Variants in ABCC4 observed in about 807,000 individuals in gnomAD.
ABCC4 encodes ATP binding cassette subfamily C member 4 (PEL blood group).
Under a neutral mutation model 168.5 loss-of-function variants are expected in ABCC4, and 102 were observed. That is an observed-to-expected ratio of 0.61 (90% CI 0.52 to 0.71). The LOEUF (loss-of-function observed/expected upper bound fraction) is 0.71. Ranked by LOEUF, ABCC4 falls within the 30% of genes least tolerant of loss-of-function variation. The pLI is 0.00. For synonymous variants in ABCC4, 617 were observed against 590.7 expected, an observed-to-expected ratio of 1.04 and a Z score of -0.65; for missense variants, 1,402 against 1,605.8, an observed-to-expected ratio of 0.87 and a Z score of 2.17.
intron 1 of ABCC4, among the ~76,000 whole-genome samples, chr13:95,256,453 T>G (rs1165795316): frequency 6.6e-6 from 1 of 152,216 alleles, no homozygotes; most frequent in African/African-American, 2.4e-5. Context: ...ATGTTGACTA[T>G]CCTCTGAAAA....
chr13:95,163,039 C>G, intron 18 of ABCC4, 83 bp downstream of exon 18: 1 of 889,370 alleles, frequency 1.1e-6, no homozygotes, highest in Non-Finnish European at 1.9e-6. Context: ...TACTGAATGA[C>G]TCCTGGAAGC....
intron 13 of ABCC4, among the ~76,000 whole-genome samples, chr13:95,172,785 A>G (rs1363189736): frequency 2.7e-5 from 3 of 110,958 alleles, no homozygotes; most frequent in African/African-American, 6.0e-5. Flanking sequence ...CACGAAACTT[A>G]GCCAGGAGTG....
chr13:95,116,202 C>T lies in ABCC4; in HGVS notation c.2456-201G>A, dbSNP rs944435728. Among the ~76,000 whole-genome samples, 11 of 151,946 alleles carry T rather than the reference C, an allele frequency of 7.2e-5. No individual in the cohort carries two copies. In the East Asian group the frequency reaches 1.3e-3, roughly 19 times the overall value. On this transcript the variant is annotated intron_variant, in intron 19 of 30. Coordinates refer to ENST00000645237, the MANE Select transcript of ABCC4 (RefSeq NM_005845.5). ...AAACAAAAATATCATCAAATGGCAG[C>T]GGGCAGGGAGTTGAAATGTGGCCCT... is the stretch of plus-strand genomic sequence containing the variant.
chr13:95,034,658 C>A lies in ABCC4; in HGVS notation c.3817G>T (p.Val1273Leu), dbSNP rs1316297467. The change falls in exon 30 of 31, where the codon GTG (valine) becomes TTG (leucine). Residue 1273 changes from valine to leucine, a missense_variant. By Grantham distance (32) the Val-to-Leu change is conservative. Coordinates refer to ENST00000645237, the MANE Select transcript of ABCC4 (RefSeq NM_005845.5). The part of the protein sequence containing the change: ...QNKESLFYKM[V>L]QQLGKAEAAA... ...GCTTCTGCCTTGCCCAGTTGTTGCA[C>A]CATCTTGTAAAATAGGCTCTCTTTA... 6 of 1,614,100 alleles carry A rather than the reference C, an allele frequency of 3.7e-6. No homozygotes were observed. The highest frequency in any genetic ancestry group is 4.2e-6 in the Non-Finnish European group (5 of 1,180,054).
At chr13:95,218,471 C>A (rs2039185225) in intron 4 of ABCC4, among the ~76,000 whole-genome samples, 1 of 152,188 alleles carries the variant, frequency 6.6e-6, no homozygotes, top group Non-Finnish European at 1.5e-5. Flanking sequence ...TCTTTATAAT[C>A]TGACAGTTTC....
intron 8 of ABCC4, among the ~76,000 whole-genome samples, chr13:95,200,603 C>A (rs2038597075): frequency 6.6e-6 from 1 of 152,108 alleles, no homozygotes; most frequent in Non-Finnish European, 1.5e-5. Flanking sequence ...TGCCTGTAGT[C>A]CCAGCTACTC....
chr13:95,058,114 A>G (rs2033132420), intron 26 of ABCC4, among the ~76,000 whole-genome samples: 1 of 152,238 alleles, frequency 6.6e-6, no homozygotes, highest in Admixed American at 6.5e-5. Flanking sequence ...ATTTTCTTTT[A>G]GTGCTTAGTG....
At chr13:95,196,140 T>C (rs2038408472) in intron 8 of ABCC4, among the ~76,000 whole-genome samples, 2 of 152,168 alleles carry the variant, frequency 1.3e-5, no homozygotes, top group Admixed American at 1.3e-4. Context: ...CATAATTCAG[T>C]GAGAGAAGCT....
chr13:95,230,569 G>A (rs921372414), intron 4 of ABCC4, among the ~76,000 whole-genome samples: 5 of 152,214 alleles, frequency 3.3e-5, no homozygotes, highest in African/African-American at 1.2e-4. Flanking sequence ...GAGGTCAGTA[G>A]TTTGAGATCA....
chr13:95,068,394 G>A (rs1299749531), intron 25 of ABCC4, among the ~76,000 whole-genome samples: 1 of 152,194 alleles, frequency 6.6e-6, no homozygotes, highest in African/African-American at 2.4e-5. Flanking sequence ...GGGAGGTCGA[G>A]GCAGGTGGAT....
intron 19 of ABCC4, among the ~76,000 whole-genome samples, chr13:95,159,113 A>ATAAC (rs2036991325): frequency 7.7e-6 from 1 of 129,114 alleles, no homozygotes; most frequent in Non-Finnish European, 1.7e-5. Context: ...ATATATATAT[A>ATAAC]TATATATATA....
intron 13 of ABCC4, among the ~76,000 whole-genome samples, chr13:95,171,651 T>G (rs2037482681): frequency 6.6e-6 from 1 of 152,196 alleles, no homozygotes; most frequent in Non-Finnish European, 1.5e-5. Flanking sequence ...CAATAAGTGT[T>G]AGCCCTGTCC....
intron 8 of ABCC4, among the ~76,000 whole-genome samples, chr13:95,205,663 G>A (rs1253511234): frequency 2.6e-5 from 4 of 152,224 alleles, no homozygotes; most frequent in African/African-American, 9.6e-5. Flanking sequence ...GCTATGGTTT[G>A]AATGGGCATG....
At chr13:95,037,538 A>G (rs1048241055) in intron 29 of ABCC4, among the ~76,000 whole-genome samples, 20 of 152,256 alleles carry the variant, frequency 1.3e-4, no homozygotes, top group Non-Finnish European at 1.8e-4. Flanking sequence ...CCTAGGCTGC[A>G]CAAATCGGAA....
At chr13:95,085,103 TA>T (rs1181541903) in intron 20 of ABCC4, among the ~76,000 whole-genome samples, 1 of 152,150 alleles carries the variant, frequency 6.6e-6, no homozygotes, top group Non-Finnish European at 1.5e-5. Context: ...CTGTCTTACA[TA>T]AAAGTACATG....
intron 19 of ABCC4, among the ~76,000 whole-genome samples, chr13:95,140,963 T>C (rs933380384): frequency 3.3e-5 from 5 of 152,230 alleles, no homozygotes; most frequent in African/African-American, 9.6e-5. Flanking sequence ...TGACCTTAAC[T>C]GTGTTCTCAC....
At chr13:95,254,915 T>TAGAAGTCACCC (rs2040356801) in intron 1 of ABCC4, among the ~76,000 whole-genome samples, 2 of 152,186 alleles carry the variant, frequency 1.3e-5, no homozygotes, top group Non-Finnish European at 2.9e-5. Flanking sequence ...GCTGGGCACA[T>TAGAAGTCACCC]AGAAGTCACC....
At chr13:95,091,027 A>C (rs1208384020) in intron 20 of ABCC4, among the ~76,000 whole-genome samples, 2 of 152,160 alleles carry the variant, frequency 1.3e-5, no homozygotes, top group Non-Finnish European at 2.9e-5. Context: ...AAGAAAGAAG[A>C]AGAAACAAGT....
At chr13:95,079,213 C>T (rs1174496284) in intron 21 of ABCC4, among the ~76,000 whole-genome samples, 3 of 152,152 alleles carry the variant, frequency 2.0e-5, no homozygotes, top group Non-Finnish European at 4.4e-5. Context: ...TACTAGTCAG[C>T]AGTTTCCAGC....
Sources: allele counts gnomAD v4.1 joint callset (sites outside exome capture counted in the v4.1 genomes callset), GRCh38; gene constraint gnomAD v4.1.1; transcripts MANE v1.5; gene names NCBI Gene and HGNC (gene_info 2026-07-23, HGNC 2026-07-21).